The following AGBL1 variants were observed in gnomAD, a reference collection of about 807,000 sequenced individuals.
AGBL1 encodes cytosolic carboxypeptidase 4.
In AGBL1, 130 loss-of-function variants were observed where a neutral mutation model predicts 118.9. That is an observed-to-expected ratio of 1.09 (90% CI 0.95 to 1.26). AGBL1 has a LOEUF of 1.26. AGBL1 is among the 50% of genes most tolerant of loss of function. AGBL1 has a pLI of 0.00. For missense variants in AGBL1, 1,584 were observed against 1,298.1 expected (o/e 1.22, Z -3.38); for synonymous variants, 555 against 478.9 (o/e 1.16, Z -2.08).
intron 22 of AGBL1, among the ~76,000 whole-genome samples, chr15:86,727,832 G>A (rs557136661): frequency 6.6e-6 from 1 of 152,146 alleles, no homozygotes; most frequent in Non-Finnish European, 1.5e-5. Context: ...TAAATGAAAG[G>A]ACTGAGGTCT....
At chr15:86,663,386 A>G (rs74651669) in intron 21 of AGBL1, among the ~76,000 whole-genome samples, 3,285 of 152,264 alleles carry the variant, frequency 0.022, 55 homozygotes, top group Non-Finnish European at 0.032. Flanking sequence ...CTGTGGTCTT[A>G]GAAGGAAAGT....
In AGBL1 at chr15:86,395,287, G is replaced by A. The variant is rs974262378; in HGVS notation, c.2375-2079G>A. 3.8e-4 allele frequency among the ~76,000 whole-genome samples: 58 copies of A among 151,628 alleles called. 1 individual carries two copies. Among genetic ancestry groups the A allele is most frequent in the Admixed American group, 3.6e-3 (54 of 15,200 alleles). On this transcript the variant is annotated intron_variant, in intron 17 of 22. Transcript: ENST00000614907. ...ACTTGTCTTCATTTTTTAATTCATCGACTTTTGCGCCACTGGTTTTGGCAT... is the reference window on the plus strand; with the variant it reads ...ACTTGTCTTCATTTTTTAATTCATCAACTTTTGCGCCACTGGTTTTGGCAT...
At chr15:86,539,210 A>G (rs527556905) in intron 19 of AGBL1, among the ~76,000 whole-genome samples, 5 of 152,362 alleles carry the variant, frequency 3.3e-5, no homozygotes, top group South Asian at 2.1e-4. Context: ...AAAGTCTTCA[A>G]TTCTGCATTT....
In AGBL1 at chr15:86,797,890, C is replaced by A. The variant is rs947757396; in HGVS notation, c.3159-109197C>A. Among the ~76,000 whole-genome samples, 6 of 152,086 alleles carry A rather than the reference C, an allele frequency of 3.9e-5. No homozygotes were observed. The South Asian group carries it at 1.2e-3, about 32-fold the overall frequency. On this transcript the variant is annotated intron_variant, in intron 22 of 22. Coordinates refer to ENST00000614907, the MANE Select transcript of AGBL1 (RefSeq NM_001386094.1). ...AAATTACTTCTTTTCTTGGATATGACCTTTTTGTCAAATGGTATTCTGCTA... is the reference window on the plus strand; with the variant it reads ...AAATTACTTCTTTTCTTGGATATGAACTTTTTGTCAAATGGTATTCTGCTA...
intron 5 of AGBL1, among the ~76,000 whole-genome samples, chr15:86,185,233 G>A (rs536299061): frequency 9.9e-5 from 15 of 152,204 alleles, no homozygotes; most frequent in African/African-American, 2.9e-4. Flanking sequence ...TTAGAATGGC[G>A]ATCATTAAAA....
intron 23 of AGBL1, among the ~76,000 whole-genome samples, chr15:86,979,529 C>T (rs2081208229): frequency 6.6e-6 from 1 of 151,646 alleles, no homozygotes; most frequent in Admixed American, 6.6e-5. Flanking sequence ...CCCTCTGTTG[C>T]CCAGGCTGGA....
At chr15:86,997,234 T>A (rs1399377993) in intron 24 of AGBL1, among the ~76,000 whole-genome samples, 2 of 152,150 alleles carry the variant, frequency 1.3e-5, no homozygotes, top group Non-Finnish European at 2.9e-5. Context: ...GGTCTCTTAT[T>A]TCCATACATT....
intron 23 of AGBL1, among the ~76,000 whole-genome samples, chr15:86,973,948 T>C (rs1475522370): frequency 1.4e-5 from 2 of 143,782 alleles, no homozygotes; most frequent in Non-Finnish European, 3.0e-5. Context: ...ATATTTAATA[T>C]ATTAAATATA....
At chr15:86,828,926 A>G (rs1036717199) in intron 22 of AGBL1, among the ~76,000 whole-genome samples, 6 of 147,838 alleles carry the variant, frequency 4.1e-5, no homozygotes, top group African/African-American at 1.5e-4. Flanking sequence ...ATATATATAT[A>G]TATATATATA....
chr15:86,941,314 G>A (rs1196816708), intron 23 of AGBL1, among the ~76,000 whole-genome samples: 1 of 152,154 alleles, frequency 6.6e-6, no homozygotes, highest in Non-Finnish European at 1.5e-5. Flanking sequence ...GTAATTTCTG[G>A]GTCAGTCAGG....
At position 86,830,309 on chromosome 15, in the gene AGBL1, A is replaced by C. The variant is rs989362842; in HGVS notation, c.3159-76778A>C. Among the ~76,000 whole-genome samples the C allele has an allele frequency of 2.0e-5, 3 of 152,272 alleles. No individual in the cohort carries two copies. The Middle Eastern group carries it at 0.01, about 518-fold the overall frequency. The stretch of plus-strand genomic sequence containing the variant: ...TTTTCAATCAACCTCTGAGAGGTTA[A>C]CTTCTAATCTAACTTCTATCACCAT... On this transcript the variant is annotated intron_variant, in intron 22 of 22. Transcript: ENST00000614907.
chr15:86,440,883 A>C (rs1344530960), intron 18 of AGBL1, among the ~76,000 whole-genome samples: 3 of 152,244 alleles, frequency 2.0e-5, no homozygotes, highest in South Asian at 4.1e-4. Flanking sequence ...AGAGTTGAGT[A>C]GCACAAGCAT....
At chr15:86,485,785 G>T (rs139366999) in intron 18 of AGBL1, among the ~76,000 whole-genome samples, 1 of 152,234 alleles carries the variant, frequency 6.6e-6, no homozygotes, top group African/African-American at 2.4e-5. Context: ...TGTTGCAGAG[G>T]TATTCATTCA....
At position 86,529,503 on chromosome 15, in the gene AGBL1, C is replaced by G. The variant is rs1429612763; in HGVS notation, c.2685+6564C>G. Among the ~76,000 whole-genome samples, 47 of 134,100 alleles carry G rather than the reference C, an allele frequency of 3.5e-4. No individual in the cohort carries two copies. In the East Asian group the frequency reaches 4.6e-3, roughly 13 times the overall value. The allele number at this position is 134,100 out of a possible 152,430, so 88.0% of individuals were successfully genotyped here. On this transcript the variant is annotated intron_variant, in intron 19 of 22. Transcript: ENST00000614907. ...CTGATTGGTGTACCTGAAAGTGATG[C>G]GGAGAATGGAACCAAATTGGAAAAC...
At chr15:86,153,912 C>T (rs2077152044) in intron 3 of AGBL1, among the ~76,000 whole-genome samples, 1 of 152,072 alleles carries the variant, frequency 6.6e-6, no homozygotes, top group East Asian at 1.9e-4. Flanking sequence ...AGAGACATTT[C>T]CCTACATAAT....
chr15:86,790,763 C>T (rs1359773783), intron 22 of AGBL1, among the ~76,000 whole-genome samples: 1 of 152,032 alleles, frequency 6.6e-6, no homozygotes, highest in Non-Finnish European at 1.5e-5. Context: ...TAGACATTCA[C>T]TATACTTTCA....
chr15:86,445,442 G>A (rs904735586), intron 18 of AGBL1, among the ~76,000 whole-genome samples: 1 of 152,246 alleles, frequency 6.6e-6, no homozygotes, highest in Non-Finnish European at 1.5e-5. Context: ...CCTTGCAGTT[G>A]ATGTGGTCAA....
At chr15:86,716,372 G>A (rs2034635) in intron 22 of AGBL1, among the ~76,000 whole-genome samples, 55,451 of 151,796 alleles carry the variant, frequency 0.37, 10,924 homozygotes, top group Non-Finnish European at 0.44. Flanking sequence ...GAGGGCTTTA[G>A]TTGATGATGT....
At chr15:86,832,994 C>A (rs548860258) in intron 22 of AGBL1, among the ~76,000 whole-genome samples, 1 of 152,258 alleles carries the variant, frequency 6.6e-6, no homozygotes, top group East Asian at 1.9e-4. Context: ...AAACGAGGAA[C>A]AAAGTCATGT....
Sources: allele counts gnomAD v4.1 joint callset (sites outside exome capture counted in the v4.1 genomes callset), GRCh38; gene constraint gnomAD v4.1.1; transcripts MANE v1.5; gene names NCBI Gene and HGNC (gene_info 2026-07-23, HGNC 2026-07-21).